The following USP34 variants were observed in gnomAD, a reference collection of about 807,000 sequenced individuals.
The protein encoded by USP34 is ubiquitin carboxyl-terminal hydrolase 34.
USP34 carries 70 observed loss-of-function variants against 460.3 expected under a neutral mutation model. That is an observed-to-expected ratio of 0.15 (90% CI 0.13 to 0.19). USP34 has a LOEUF of 0.19. Among genes scored for constraint, USP34 ranks in the 10% least tolerant of loss-of-function variants. USP34 has a pLI of 1.00. For synonymous variants in USP34, 1,647 were observed against 1,405.3 expected (o/e 1.17, Z -3.85); for missense variants, 3,985 against 4,236.2 (o/e 0.94, Z 1.65).
Position 61,356,179 on chromosome 2 carries a change from T to TA in USP34, c.1252-5487dup, listed in dbSNP as rs79679650. Among the ~76,000 whole-genome samples the TA allele has an allele frequency of 5.9e-3, 822 of 138,832 alleles. 5 individuals carry two copies. Among genetic ancestry groups the TA allele is most frequent in the African/African-American group, 0.014 (538 of 37,310 alleles). The allele number at this position is 138,832 out of a possible 152,430, so 91.1% of individuals were successfully genotyped here. A position where few individuals can be genotyped will look rare whatever the true frequency, so the allele number is the denominator to read the frequency against. On this transcript the variant is annotated intron_variant, in intron 10 of 79. Coordinates refer to ENST00000398571, the MANE Select transcript of USP34 (RefSeq NM_014709.4). Reference sequence around the variant, plus strand: ...ATGTCCATCAACAGATGAATGAATTTAAAAAAAAAAAAAAAAAAGTGCTAC... The same window carrying TA: ...ATGTCCATCAACAGATGAATGAATTTAAAAAAAAAAAAAAAAAAAGTGCTAC...
At chr2:61,447,888 G>C (rs1695164906) in intron 1 of USP34, among the ~76,000 whole-genome samples, 1 of 152,022 alleles carries the variant, frequency 6.6e-6, no homozygotes, top group Non-Finnish European at 1.5e-5. Context: ...ACTAATTTTT[G>C]TATTTTTAGT....
intron 6 of USP34, 40 bp downstream of exon 6, chr2:61,383,229 T>C (rs1262168781): frequency 7.9e-6 from 11 of 1,393,670 alleles, no homozygotes; most frequent in Non-Finnish European, 2.0e-6. Context: ...TTAAATATAT[T>C]ACACTGATAA....
intron 72 of USP34, 41 bp downstream of exon 72, chr2:61,205,976 C>T: frequency 6.9e-7 from 1 of 1,440,460 alleles, no homozygotes; most frequent in Non-Finnish European, 9.8e-7. Flanking sequence ...CAATGTTCTT[C>T]CACTAGGTTT....
intron 10 of USP34, among the ~76,000 whole-genome samples, chr2:61,364,610 A>C (rs1350570846): frequency 6.6e-6 from 1 of 152,176 alleles, no homozygotes; most frequent in African/African-American, 2.4e-5. Context: ...AGGAAAATAC[A>C]AGAAAAAGTA....
chr2:61,258,981 C>G (rs560738924), intron 44 of USP34, among the ~76,000 whole-genome samples: 1 of 152,216 alleles, frequency 6.6e-6, no homozygotes, highest in Admixed American at 6.5e-5. Context: ...CAGACAGCTC[C>G]GGGCACGGTG....
intron 6 of USP34, 62 bp from the exon 7 acceptor site, chr2:61,380,423 A>G (rs2103862593): frequency 1.3e-6 from 2 of 1,503,136 alleles, no homozygotes; most frequent in South Asian, 1.3e-5. Flanking sequence ...AAGACCACTC[A>G]GTAACTTAAA....
chr2:61,362,445 A>G (rs952102615), intron 10 of USP34, among the ~76,000 whole-genome samples: 4 of 152,232 alleles, frequency 2.6e-5, no homozygotes, highest in African/African-American at 9.6e-5. Flanking sequence ...AATGTGGTGT[A>G]CATATACATA....
chr2:61,426,745 C>T (rs1694522854), intron 1 of USP34, among the ~76,000 whole-genome samples: 1 of 152,160 alleles, frequency 6.6e-6, no homozygotes, highest in Non-Finnish European at 1.5e-5. Context: ...TTACAGCAGG[C>T]CTTGGGTGAG....
At chr2:61,416,305 A>T (rs1694191409) in intron 2 of USP34, among the ~76,000 whole-genome samples, 1 of 152,242 alleles carries the variant, frequency 6.6e-6, no homozygotes, top group Non-Finnish European at 1.5e-5. Flanking sequence ...TTATTAAAAC[A>T]ATGAAAAAAT....
At chr2:61,392,449 C>T (rs961889550) in intron 5 of USP34, among the ~76,000 whole-genome samples, 2 of 152,110 alleles carry the variant, frequency 1.3e-5, no homozygotes, top group Non-Finnish European at 1.5e-5. Flanking sequence ...CATGGCGAAA[C>T]CCCGGGTCTA....
At chr2:61,352,086 T>C (rs1220270757) in intron 10 of USP34, among the ~76,000 whole-genome samples, 3 of 152,178 alleles carry the variant, frequency 2.0e-5, no homozygotes, top group Admixed American at 6.5e-5. Flanking sequence ...TACTTACCAG[T>C]TGAAGATCTC....
chr2:61,329,760 A>G (rs1055927361), intron 20 of USP34, among the ~76,000 whole-genome samples: 1 of 152,238 alleles, frequency 6.6e-6, no homozygotes, highest in Non-Finnish European at 1.5e-5. Context: ...CCTATGTGCC[A>G]GGTACAATTC....
Position 61,394,881 on chromosome 2 carries a change from G to C in USP34, c.725C>G (p.Ala242Gly), listed in dbSNP as rs1693469990. 3 of 1,595,268 alleles carry C rather than the reference G, an allele frequency of 1.9e-6. No homozygotes were observed. Among genetic ancestry groups the C allele is most frequent in the Non-Finnish European group, 2.6e-6 (3 of 1,174,134 alleles). Residue 242 changes from alanine (A) to glycine (G), a missense_variant, in exon 5 of 80, where the codon GCA becomes GGA. This residue lies in a region of USP34 where 331 missense variants were observed against 293.7 expected (regional missense o/e 1.13). Transcript: ENST00000398571. The part of the protein sequence containing the change: ...GTPETLPFLI[A>G]HAFITVVSNI... ...AGACACAACTGTAATAAACGCATGT[G>C]CTATAAGAAATGGCAAAGTTTCAGG...
At chr2:61,240,072 A>G (rs144902563) in intron 53 of USP34, among the ~76,000 whole-genome samples, 1 of 151,260 alleles carries the variant, frequency 6.6e-6, no homozygotes, top group East Asian at 1.9e-4. Flanking sequence ...TTTTTTATCC[A>G]GATAGTAAAA....
At chr2:61,279,146 TAAC>T (rs944982323) in intron 39 of USP34, among the ~76,000 whole-genome samples, 1 of 152,038 alleles carries the variant, frequency 6.6e-6, no homozygotes, top group Non-Finnish European at 1.5e-5. Context: ...ATATTTTAAT[TAAC>T]AATAAGTATA....
chr2:61,401,159 A>AAG (rs1423377007), intron 3 of USP34, among the ~76,000 whole-genome samples: 2 of 151,512 alleles, frequency 1.3e-5, no homozygotes, highest in Non-Finnish European at 2.9e-5. Context: ...CAAAAAAAAA[A>AAG]AAAAAAAAAA....
At chr2:61,275,864 A>C (rs747165205) in intron 41 of USP34, among the ~76,000 whole-genome samples, 7 of 152,196 alleles carry the variant, frequency 4.6e-5, no homozygotes, top group Non-Finnish European at 1.0e-4. Context: ...TTAAAGCCTC[A>C]AAAATTTGTC....
chr2:61,434,983 G>C (rs1040781047), intron 1 of USP34, among the ~76,000 whole-genome samples: 1 of 152,020 alleles, frequency 6.6e-6, no homozygotes, highest in Non-Finnish European at 1.5e-5. Context: ...ATGAAATAAG[G>C]AAAATAATTC....
intron 75 of USP34, among the ~76,000 whole-genome samples, chr2:61,199,616 A>AT (rs947677853): frequency 1.3e-5 from 2 of 152,142 alleles, no homozygotes; most frequent in Admixed American, 6.5e-5. Context: ...CATATTAAAG[A>AT]TTTGCCCCAT....
Sources: gnomAD v4.1 joint callset for allele counts (sites outside exome capture counted in the v4.1 genomes callset) on GRCh38, gnomAD v4.1.1 for gene constraint, gnomAD v4.1.1 regional missense constraint, MANE v1.5 for transcripts, NCBI Gene and HGNC (gene_info 2026-07-23, HGNC 2026-07-21) for gene names.